ERBB4: variants seen among roughly 807,000 people sequenced by gnomAD.
ERBB4 encodes receptor tyrosine-protein kinase erbB-4.
Under a neutral mutation model 158.0 loss-of-function variants are expected in ERBB4, and 42 were observed. The observed-to-expected ratio is 0.27, with a 90% CI of 0.21 to 0.34. The LOEUF (loss-of-function observed/expected upper bound fraction) is 0.34, where lower values mean the gene tolerates loss of function less well. Ranked by LOEUF, ERBB4 falls within the 10% of genes least tolerant of loss-of-function variation. The pLI, the probability that ERBB4 is intolerant of heterozygous loss-of-function variation, is 1.00. For missense variants in ERBB4, 1,333 were observed against 1,624.1 expected (o/e 0.82, Z 3.08); for synonymous variants, 583 against 558.7 (o/e 1.04, Z -0.61).
At chr2:211,722,172 T>C (rs766987941) in intron 7 of ERBB4, among the ~76,000 whole-genome samples, 38 of 152,126 alleles carry the variant, frequency 2.5e-4, no homozygotes, top group Non-Finnish European at 5.1e-4. Flanking sequence ...CAGTAGGAGT[T>C]TTATAACCTC....
rs2125721225 is a variant in ERBB4, at chr2:211,561,924, G to C, written c.2466C>G (p.Asn822Lys). The C allele has an allele frequency of 6.2e-7, 1 of 1,614,072 alleles. No homozygotes were observed. Among genetic ancestry groups the C allele is most frequent in the Non-Finnish European group, 8.5e-7 (1 of 1,180,000 alleles). The change falls in exon 20 of 28, where the codon AAC becomes AAG. Residue 822 changes from asparagine to lysine, a missense_variant. Asn to Lys is a moderately conservative substitution (Grantham distance 94). This residue lies in a region of ERBB4 where 314 missense variants were observed against 437.6 expected (regional missense o/e 0.72). Transcript: ENST00000342788. ...KDNIGSQLLLNWCVQIAKGMM... is the reference protein window; with the variant it reads ...KDNIGSQLLLKWCVQIAKGMM... Reference sequence around the variant, plus strand: ...TTACCTTAGCTATCTGGACACACCAGTTAAGCAGCAGTTGTGATCCAATGT... The same window carrying C: ...TTACCTTAGCTATCTGGACACACCACTTAAGCAGCAGTTGTGATCCAATGT...
intron 20 of ERBB4, among the ~76,000 whole-genome samples, chr2:211,474,176 G>T (rs531562385): frequency 1.3e-5 from 2 of 152,040 alleles, no homozygotes; most frequent in East Asian, 3.9e-4. Context: ...GGTAAGGACT[G>T]GAACAAGAGG....
intron 2 of ERBB4, among the ~76,000 whole-genome samples, chr2:211,948,058 T>C (rs1193559355): frequency 6.6e-6 from 1 of 152,204 alleles, no homozygotes; most frequent in African/African-American, 2.4e-5. Context: ...AAAATGGCTC[T>C]ATTGGTGTTT....
chr2:211,431,324 T>G (rs2125431584), intron 20 of ERBB4, among the ~76,000 whole-genome samples: 1 of 152,308 alleles, frequency 6.6e-6, no homozygotes, highest in Admixed American at 6.5e-5. Context: ...AAAGAATTAC[T>G]TTCACATGAG....
chr2:211,386,789 A>G, intron 27 of ERBB4, 64 bp downstream of exon 27: 2 of 1,542,402 alleles, frequency 1.3e-6, no homozygotes, highest in Non-Finnish European at 1.8e-6. Flanking sequence ...TCTATTCTGT[A>G]CTTTGTTTAT....
At chr2:211,522,156 A>G (rs551861497) in intron 20 of ERBB4, among the ~76,000 whole-genome samples, 1 of 152,320 alleles carries the variant, frequency 6.6e-6, no homozygotes, top group Admixed American at 6.5e-5. Flanking sequence ...AAGTAAATTG[A>G]AAATCTTCTG....
chr2:211,473,344 C>T (rs1201660120), intron 20 of ERBB4, among the ~76,000 whole-genome samples: 3 of 151,952 alleles, frequency 2.0e-5, no homozygotes, highest in Middle Eastern at 3.2e-3. Context: ...AATTTCAGCC[C>T]AGTGATTCTG....
chr2:211,514,681 T>C (rs1387735869), intron 20 of ERBB4, among the ~76,000 whole-genome samples: 1 of 152,162 alleles, frequency 6.6e-6, no homozygotes, highest in Non-Finnish European at 1.5e-5. Context: ...TTATCAACTG[T>C]AAGAAAAGAC....
intron 1 of ERBB4, among the ~76,000 whole-genome samples, chr2:212,357,981 A>G (rs1462408388): frequency 6.6e-6 from 1 of 151,850 alleles, no homozygotes; most frequent in African/African-American, 2.4e-5. Context: ...TTGCTCTCCT[A>G]TTTGTCAAAG....
chr2:212,392,186 T>C (rs2090896816), intron 1 of ERBB4, among the ~76,000 whole-genome samples: 2 of 151,716 alleles, frequency 1.3e-5, no homozygotes, highest in East Asian at 3.9e-4. Context: ...CTACTCAGAG[T>C]GACTGTGAAT....
chr2:212,254,077 A>T (rs1305393924), intron 1 of ERBB4, among the ~76,000 whole-genome samples: 1 of 152,132 alleles, frequency 6.6e-6, no homozygotes, highest in Non-Finnish European at 1.5e-5. Flanking sequence ...GACTGTTATT[A>T]TGCCACACAT....
At chr2:212,132,789 G>A (rs1043758944) in intron 1 of ERBB4, among the ~76,000 whole-genome samples, 8 of 152,018 alleles carry the variant, frequency 5.3e-5, no homozygotes, top group South Asian at 2.1e-4. Flanking sequence ...GTGTGTGCGC[G>A]CTATATATAG....
At chr2:212,222,492 T>C (rs73987295) in intron 1 of ERBB4, among the ~76,000 whole-genome samples, 3,483 of 151,678 alleles carry the variant, frequency 0.023, 122 homozygotes, top group African/African-American at 0.079. Context: ...ACTTTTTTAC[T>C]GCCAAACCTA....
At chr2:212,415,163 G>A (rs1292541992) in intron 1 of ERBB4, among the ~76,000 whole-genome samples, 1 of 152,108 alleles carries the variant, frequency 6.6e-6, no homozygotes, top group African/African-American at 2.4e-5. Flanking sequence ...TATCCTAGAA[G>A]TGAAAGGAAT....
At chr2:212,421,831 A>G (rs2091798873) in intron 1 of ERBB4, among the ~76,000 whole-genome samples, 1 of 152,234 alleles carries the variant, frequency 6.6e-6, no homozygotes, top group Non-Finnish European at 1.5e-5. Flanking sequence ...TGTAATCAAA[A>G]GAGATTAAAA....
chr2:211,726,862 A>G (rs993185664), intron 5 of ERBB4, among the ~76,000 whole-genome samples: 16 of 152,258 alleles, frequency 1.1e-4, no homozygotes, highest in Non-Finnish European at 2.1e-4. Context: ...AAAGCCCTCC[A>G]TAAGTTGACC....
intron 1 of ERBB4, among the ~76,000 whole-genome samples, chr2:212,467,215 A>G (rs938370887): frequency 2.6e-5 from 4 of 152,238 alleles, no homozygotes; most frequent in African/African-American, 9.6e-5. Context: ...TATTCTGAAG[A>G]GAAATTCAAG....
At position 211,379,103 on chromosome 2, in the gene ERBB4, A is replaced by T. The variant is rs2062531143; in HGVS notation, c.*4512T>A. 4.3e-6 allele frequency: 1 copy of T among 231,032 alleles called. No homozygotes were observed. Among genetic ancestry groups the T allele is most frequent in the African/African-American group, 2.2e-5 (1 of 45,226 alleles). 14.3% of individuals were successfully genotyped at this position (231,032 alleles called of 1,614,324 possible). A position where few individuals can be genotyped will look rare whatever the true frequency, so the allele number is the denominator to read the frequency against. ...GTTTGAAACGCTTGGTTTAGCATTTATTTATCAGAAAAATTGTGATTCTTT... is the reference window on the plus strand; with the variant it reads ...GTTTGAAACGCTTGGTTTAGCATTTTTTTATCAGAAAAATTGTGATTCTTT... On this transcript the variant is annotated 3_prime_UTR_variant, in exon 28 of 28. Transcript: ENST00000342788.
At chr2:212,190,909 C>A (rs190021994) in intron 1 of ERBB4, among the ~76,000 whole-genome samples, 1 of 152,184 alleles carries the variant, frequency 6.6e-6, no homozygotes, top group Admixed American at 6.5e-5. Context: ...AACACACATA[C>A]GCTCACAAAC....
Sources: gnomAD v4.1 joint callset for allele counts (sites outside exome capture counted in the v4.1 genomes callset) on GRCh38, gnomAD v4.1.1 for gene constraint, gnomAD v4.1.1 regional missense constraint, MANE v1.5 for transcripts, NCBI Gene and HGNC (gene_info 2026-07-23, HGNC 2026-07-21) for gene names.